PCDHGB2: variants seen among roughly 807,000 people sequenced by gnomAD.
PCDHGB2 encodes protocadherin gamma subfamily B, 2.
In PCDHGB2, 55 loss-of-function variants were observed where a neutral mutation model predicts 59.3. The observed-to-expected ratio is 0.93, with a 90% CI of 0.75 to 1.16. The LOEUF is 1.16. Among genes scored for constraint, PCDHGB2 ranks in the 50% most tolerant of loss-of-function variants. The pLI is 0.00. For synonymous variants in PCDHGB2, 516 were observed against 512.0 expected (o/e 1.01, Z -0.11); for missense variants, 1,228 against 1,198.5 (o/e 1.02, Z -0.36).
In PCDHGB2 at chr5:141,476,659, G is replaced by A; in HGVS notation, c.2422-18148G>A. On this transcript the variant is annotated intron_variant, in intron 1 of 3. Coordinates refer to ENST00000522605, the MANE Select transcript of PCDHGB2 (RefSeq NM_018923.3). The surrounding 1 kb of genome is among the most constrained non-coding windows in gnomAD (Gnocchi z 7.6). ...AGCTGAGCCGAAATGAATACTTTGC[G>A]CTTCGCGTGCAGACGCGGGAGGACA... 2 of 1,614,252 alleles carry A rather than the reference G, an allele frequency of 1.2e-6. No homozygotes were observed. Among genetic ancestry groups the A allele is most frequent in the Non-Finnish European group, 8.5e-7 (1 of 1,180,048 alleles).
At chr5:141,386,989 G>A (rs1354556956) in intron 1 of PCDHGB2, among the ~76,000 whole-genome samples, 1 of 152,156 alleles carries the variant, frequency 6.6e-6, no homozygotes, top group East Asian at 1.9e-4. Context: ...TTGAGGCTAT[G>A]TATTATCCCC....
chr5:141,503,912 A>AAC (rs34419983), intron 2 of PCDHGB2, among the ~76,000 whole-genome samples: 3 of 152,280 alleles, frequency 2.0e-5, no homozygotes, highest in East Asian at 3.9e-4. Context: ...CACACAACGC[A>AAC]ACACACACAC....
chr5:141,418,430 T>G (rs1331082135), intron 1 of PCDHGB2: 1 of 1,613,908 alleles, frequency 6.2e-7, no homozygotes, highest in South Asian at 1.1e-5. Flanking sequence ...TGGTGGCAAA[T>G]ATCCAGAATT....
chr5:141,438,526 G>A (rs188552043), intron 1 of PCDHGB2, among the ~76,000 whole-genome samples: 11 of 143,330 alleles, frequency 7.7e-5, no homozygotes, highest in Non-Finnish European at 1.5e-4. Flanking sequence ...ATTTTACATG[G>A]ACTTTTCCTC....
chr5:141,408,752 G>A (rs780102602), intron 1 of PCDHGB2: 8 of 1,610,388 alleles, frequency 5.0e-6, no homozygotes, highest in Non-Finnish European at 5.9e-6. Flanking sequence ...AATGGTTAGA[G>A]TTAATTCCGA....
intron 1 of PCDHGB2, chr5:141,478,142 G>A: frequency 3.7e-6 from 6 of 1,613,988 alleles, no homozygotes; most frequent in Non-Finnish European, 4.2e-6. Flanking sequence ...AGCCCGAGCC[G>A]AGTTCCCCTC....
chr5:141,408,337 G>T (rs1191967573), intron 1 of PCDHGB2: 3 of 1,613,954 alleles, frequency 1.9e-6, no homozygotes, highest in Non-Finnish European at 2.5e-6. Context: ...CCAAGGGCTC[G>T]GTGGTGGGGA....
intron 1 of PCDHGB2, among the ~76,000 whole-genome samples, chr5:141,458,368 A>C (rs934670055): frequency 3.9e-5 from 6 of 152,112 alleles, no homozygotes; most frequent in Admixed American, 3.9e-4. Flanking sequence ...GAAGGAAGGG[A>C]GAAGAGAGAA....
Position 141,490,051 on chromosome 5 carries a change from G to C in PCDHGB2, c.2422-4756G>C, listed in dbSNP as rs779280988. 1 of 1,614,214 alleles carries C rather than the reference G, an allele frequency of 6.2e-7. No individual in the cohort carries two copies. The highest frequency in any genetic ancestry group is 1.1e-5 in the South Asian group (1 of 91,082). On this transcript the variant is annotated intron_variant, in intron 1 of 3. Coordinates refer to ENST00000522605, the MANE Select transcript of PCDHGB2 (RefSeq NM_018923.3). The surrounding 1 kb of genome is among the most constrained non-coding windows in gnomAD (Gnocchi z 5.4). Reference sequence around the variant, plus strand: ...CCGCCTCAATGCCACTGATCCAGACGAGGGCACCAACGGCCAACTAGACTA... The same window carrying C: ...CCGCCTCAATGCCACTGATCCAGACCAGGGCACCAACGGCCAACTAGACTA...
intron 1 of PCDHGB2, chr5:141,426,221 A>G (rs1279749881): frequency 6.3e-6 from 1 of 158,300 alleles, no homozygotes; most frequent in Non-Finnish European, 1.4e-5. Context: ...GGAAGTAAAT[A>G]TTTTAAAAGC....
chr5:141,452,010 G>A (rs955708033), intron 1 of PCDHGB2, among the ~76,000 whole-genome samples: 1 of 152,192 alleles, frequency 6.6e-6, no homozygotes, highest in African/African-American at 2.4e-5. Context: ...ACTTGGTCCA[G>A]CCCACACTCT....
intron 3 of PCDHGB2, among the ~76,000 whole-genome samples, chr5:141,506,349 T>A (rs894933059): frequency 8.0e-5 from 12 of 150,304 alleles, no homozygotes; most frequent in Admixed American, 2.7e-4. Context: ...CTTGGGAGGC[T>A]GAGGCAGGAG....
intron 1 of PCDHGB2, chr5:141,366,436 C>G: frequency 1.9e-6 from 3 of 1,614,194 alleles, no homozygotes; most frequent in Non-Finnish European, 2.5e-6. Flanking sequence ...CAGTCTCCTG[C>G]GTCTTCCTGG....
rs942270362 is a variant in PCDHGB2 at position 141,394,773 on chromosome 5, C to T, written c.2421+32217C>T. On this transcript the variant is annotated intron_variant, in intron 1 of 3. Coordinates refer to ENST00000522605, the MANE Select transcript of PCDHGB2 (RefSeq NM_018923.3). ...CGTCCAGGACCATGGCCAGCCCCCT[C>T]TCTCCGCCACTGTCACGCTCACCGT... 4.3e-5 allele frequency: 70 copies of T among 1,613,400 alleles called. No homozygotes were observed. The highest frequency in any genetic ancestry group is 5.6e-5 in the Non-Finnish European group (66 of 1,179,978).
chr5:141,509,421 A>T (rs939726886), intron 3 of PCDHGB2, among the ~76,000 whole-genome samples: 5 of 152,088 alleles, frequency 3.3e-5, no homozygotes, highest in Non-Finnish European at 1.5e-5. Context: ...AGCCCCAATG[A>T]GTCAAACTCT....
In PCDHGB2 at chr5:141,432,751, G is replaced by A; in HGVS notation, c.2422-62056G>A. The A allele has an allele frequency of 6.2e-7, 1 of 1,614,130 alleles. No homozygotes were observed. Among genetic ancestry groups the A allele is most frequent in the Non-Finnish European group, 8.5e-7 (1 of 1,179,982 alleles). Reference sequence around the variant, plus strand: ...CCACTGTCACGCTCACCGTGGCCGTGGCCGACAGCATCCCCCAAGTCCTGG... The same window carrying A: ...CCACTGTCACGCTCACCGTGGCCGTAGCCGACAGCATCCCCCAAGTCCTGG... On this transcript the variant is annotated intron_variant, in intron 1 of 3. Transcript: ENST00000522605. This position sits in a 1 kb window ranked among gnomAD's most constrained non-coding sequence, Gnocchi z 6.0.
chr5:141,403,237 C>T (rs1293614874), intron 1 of PCDHGB2: 1 of 1,613,824 alleles, frequency 6.2e-7, no homozygotes, highest in Non-Finnish European at 8.5e-7. Flanking sequence ...GGGAGGAGCT[C>T]TGTGCTCAGA....
Position 141,491,737 on chromosome 5 carries a change from G to C in PCDHGB2, c.2422-3070G>C, listed in dbSNP as rs548808722. 1.2e-6 allele frequency: 2 copies of C among 1,600,586 alleles called. No homozygotes were observed. The highest frequency in any genetic ancestry group is 2.7e-5 in the African/African-American group (2 of 74,486). On this transcript the variant is annotated intron_variant, in intron 1 of 3. Transcript: ENST00000522605. The surrounding 1 kb of genome is among the most constrained non-coding windows in gnomAD (Gnocchi z 6.9). ...GGCGCCGCCCCGGGCGACCCCTGGG[G>C]GCGGCACTGGAGAAGCCGCCCGTCC...
chr5:141,464,907 T>A lies in PCDHGB2; in HGVS notation c.2422-29900T>A, dbSNP rs187725683. On this transcript the variant is annotated intron_variant, in intron 1 of 3. Transcript: ENST00000522605. ...ATGGATGCCACCATGTCCAGCTAAT[T>A]TTTTTATTTTTTTGTAGAGATGTGA... 4.5e-3 allele frequency among the ~76,000 whole-genome samples: 687 copies of A among 152,148 alleles called. 4 individuals are homozygous for A. Among genetic ancestry groups the A allele is most frequent in the African/African-American group, 0.015 (630 of 41,510 alleles).
Sources: gnomAD v4.1 joint callset for allele counts (sites outside exome capture counted in the v4.1 genomes callset) on GRCh38, gnomAD v4.1.1 for gene constraint, Gnocchi (gnomAD v3.1) non-coding constraint, MANE v1.5 for transcripts, NCBI Gene and HGNC (gene_info 2026-07-23, HGNC 2026-07-21) for gene names.